NID2: variants seen among roughly 807,000 people sequenced by gnomAD.
NID2 encodes nidogen-2.
A neutral mutation model predicts 145.4 loss-of-function variants in NID2; 83 were observed. The ratio of observed to expected loss-of-function variants is 0.57; its 90% CI spans 0.48 to 0.69. The LOEUF (loss-of-function observed/expected upper bound fraction) is 0.69, where lower values mean the gene tolerates loss of function less well. NID2 is among the 30% of genes least tolerant of loss of function. NID2 has a pLI of 0.00. For missense variants in NID2, 1,807 were observed against 1,765.7 expected (o/e 1.02, Z -0.42); for synonymous variants, 739 against 701.3 (o/e 1.05, Z -0.85).
chr14:52,036,833 C>T (rs1892088885), intron 9 of NID2, among the ~76,000 whole-genome samples: 1 of 148,356 alleles, frequency 6.7e-6, no homozygotes, highest in African/African-American at 2.5e-5. Context: ...GAGCTTTTGC[C>T]CATCTTTTAG....
At chr14:52,040,937 A>G (rs1750370131) in intron 7 of NID2, 86 bp from the exon 8 acceptor site, 1 of 1,170,910 alleles carries the variant, frequency 8.5e-7, no homozygotes, top group Non-Finnish European at 1.3e-6. Context: ...CCCAATTTCT[A>G]CTGCTGTTGG....
chr14:52,019,364 G>A, intron 13 of NID2, 70 bp from the exon 14 acceptor site: 1 of 1,265,378 alleles, frequency 7.9e-7, no homozygotes, highest in Non-Finnish European at 1.1e-6. Flanking sequence ...CACTTCACCA[G>A]CCCACAGCGT....
At chr14:52,017,455 A>G (rs1891251189) in intron 14 of NID2, among the ~76,000 whole-genome samples, 2 of 152,174 alleles carry the variant, frequency 1.3e-5, no homozygotes, top group Non-Finnish European at 1.5e-5. Flanking sequence ...GAGTGTGGGC[A>G]GGAAAAAGTC....
At chr14:52,068,552 C>A (rs914170570) in intron 1 of NID2, among the ~76,000 whole-genome samples, 1 of 152,242 alleles carries the variant, frequency 6.6e-6, no homozygotes, top group African/African-American at 2.4e-5. Context: ...GCGTACGTGG[C>A]TGCGAACAAT....
chr14:52,030,527 A>AG (rs1891781236), intron 9 of NID2, among the ~76,000 whole-genome samples: 1 of 49,768 alleles, frequency 2.0e-5, no homozygotes, highest in Non-Finnish European at 4.5e-5. Context: ...AAAGAAAGAA[A>AG]GAAAGAAAGA....
At chr14:52,045,188 T>C (rs1284060190) in intron 5 of NID2, among the ~76,000 whole-genome samples, 3 of 152,134 alleles carry the variant, frequency 2.0e-5, no homozygotes, top group Admixed American at 2.0e-4. Flanking sequence ...CTGGGTTTAA[T>C]GGTAGAAGCA....
chr14:52,025,924 G>GA (rs1891572046), intron 12 of NID2, among the ~76,000 whole-genome samples: 1 of 152,136 alleles, frequency 6.6e-6, no homozygotes, highest in African/African-American at 2.4e-5. Flanking sequence ...TTTAGTGAAA[G>GA]AAAAAAATAA....
intron 12 of NID2, among the ~76,000 whole-genome samples, chr14:52,021,465 G>A (rs923708986): frequency 1.3e-5 from 2 of 152,058 alleles, no homozygotes; most frequent in African/African-American, 4.8e-5. Context: ...ACTGTCACTG[G>A]GTCATCCTCT....
intron 19 of NID2, 132 bp from the exon 20 acceptor site, chr14:52,006,792 A>G: frequency 2.1e-6 from 2 of 945,316 alleles, no homozygotes; most frequent in Non-Finnish European, 3.2e-6. Flanking sequence ...TAGATTAGCA[A>G]CTGTAAAATT....
intron 8 of NID2, among the ~76,000 whole-genome samples, chr14:52,039,200 A>T (rs1170520414): frequency 1.3e-5 from 2 of 152,216 alleles, no homozygotes; most frequent in Non-Finnish European, 1.5e-5. Flanking sequence ...ATGTTATTAT[A>T]CACAAAGAAT....
intron 5 of NID2, among the ~76,000 whole-genome samples, chr14:52,047,926 T>C (rs899901047): frequency 6.6e-6 from 1 of 152,086 alleles, no homozygotes; most frequent in East Asian, 1.9e-4. Context: ...GAGATTTCTG[T>C]TAAAAATGCA....
intron 9 of NID2, among the ~76,000 whole-genome samples, chr14:52,034,800 T>TG (rs1891997117): frequency 6.6e-6 from 1 of 152,168 alleles, no homozygotes; most frequent in Admixed American, 6.5e-5. Flanking sequence ...TTGAGGAAGA[T>TG]GGTTTTTTTC....
chr14:52,058,046 T>C (rs1892912936), intron 3 of NID2, among the ~76,000 whole-genome samples: 1 of 152,272 alleles, frequency 6.6e-6, no homozygotes, highest in South Asian at 2.1e-4. Flanking sequence ...TTTAAGAATT[T>C]GTTTTAGGGA....
At chr14:52,030,934 A>T (rs1034013791) in intron 9 of NID2, among the ~76,000 whole-genome samples, 1 of 152,232 alleles carries the variant, frequency 6.6e-6, no homozygotes, top group Non-Finnish European at 1.5e-5. Context: ...AGATAGGAGG[A>T]TGCCTGATTA....
At position 52,030,556 on chromosome 14, in the gene NID2, G is replaced by GAA. The variant is rs1173812613; in HGVS notation, c.2258-868_2258-867dup. On this transcript the variant is annotated intron_variant, in intron 9 of 21. Transcript: ENST00000216286. ...AGAAAGAAAGAAAGAAAGAAAGAAA[G>GAA]AAAGAAAGAAAGGAAGGAAGGGAAA... 7.2e-5 allele frequency among the ~76,000 whole-genome samples: 4 copies of GAA among 55,752 alleles called. 1 individual carries two copies. Among genetic ancestry groups the GAA allele is most frequent in the South Asian group, 1.3e-3 (2 of 1,542 alleles). The allele number at this position is 55,752 out of a possible 152,430, so 36.6% of individuals were successfully genotyped here. A position where few individuals can be genotyped will look rare whatever the true frequency, so the allele number is the denominator to read the frequency against.
intron 12 of NID2, 47 bp downstream of exon 12, chr14:52,027,154 A>G: frequency 1.4e-6 from 2 of 1,430,966 alleles, no homozygotes. Context: ...GGGGATGTGC[A>G]TCCAAAGCAA....
intron 15 of NID2, among the ~76,000 whole-genome samples, 193 bp downstream of exon 15, chr14:52,014,861 T>C (rs111370949): frequency 0.026 from 3,886 of 152,248 alleles, 186 homozygotes; most frequent in African/African-American, 0.087. Flanking sequence ...TGGAAGCTGC[T>C]AATGACAAAA....
At chr14:52,025,462 C>CA (rs1891557993) in intron 12 of NID2, among the ~76,000 whole-genome samples, 1 of 152,172 alleles carries the variant, frequency 6.6e-6, no homozygotes, top group Admixed American at 6.5e-5. Flanking sequence ...ACAGGAATCC[C>CA]AACTGAGGGT....
rs529394914 is a variant in NID2, at chr14:52,008,995, T to C, written c.3723-1028A>G. 1.8e-4 allele frequency: 28 copies of C among 152,356 alleles called. 1 individual carries two copies. Among genetic ancestry groups the C allele is most frequent in the African/African-American group, 6.7e-4 (28 of 41,580 alleles). The allele number at this position is 152,356 out of a possible 1,614,324, so 9.4% of individuals were successfully genotyped here. On this transcript the variant is annotated intron_variant, in intron 18 of 21. Transcript: ENST00000216286. ...GGTTATAAGGAAACAAACAGGTTTATCGTTAGAGCAGAAATAATGTTGAAA... is the reference window on the plus strand; with the variant it reads ...GGTTATAAGGAAACAAACAGGTTTACCGTTAGAGCAGAAATAATGTTGAAA...
Sources: gnomAD v4.1 joint callset for allele counts (sites outside exome capture counted in the v4.1 genomes callset) on GRCh38, gnomAD v4.1.1 for gene constraint, MANE v1.5 for transcripts, NCBI Gene and HGNC (gene_info 2026-07-23, HGNC 2026-07-21) for gene names.